Variants in UPRT observed in about 807,000 individuals in gnomAD.
UPRT encodes RP11-311P8.3.
In UPRT, 5 loss-of-function variants were observed where a neutral mutation model predicts 22.6. That is an observed-to-expected ratio of 0.22 (90% CI 0.12 to 0.47). UPRT has a LOEUF of 0.47. UPRT is among the 20% of genes least tolerant of loss of function. The pLI, the probability that UPRT is intolerant of heterozygous loss-of-function variation, is 0.99. For missense variants in UPRT, 181 were observed against 239.9 expected (o/e 0.75, Z 1.62); for synonymous variants, 77 against 87.7 (o/e 0.88, Z 0.68).
intron 4 of UPRT, among the ~76,000 whole-genome samples, chrX:75,214,998 CAAAT>C (rs1305220041): frequency 9.1e-6 from 1 of 110,371 alleles, no homozygotes; most frequent in Non-Finnish European, 1.9e-5. Context: ...CACACACACA[CAAAT>C]AAGGCAGGAG....
At chrX:75,185,727 A>C (rs1371206568) in intron 4 of UPRT, among the ~76,000 whole-genome samples, 1 of 111,424 alleles carries the variant, frequency 9.0e-6, no homozygotes, top group Non-Finnish European at 1.9e-5. Context: ...CAGAGATTCA[A>C]CTTCTTCCTG....
Position 75,211,024 on chromosome X carries a change from C to T in UPRT, c.-447+43145C>T, listed in dbSNP as rs146735067. 3.0e-3 allele frequency among the ~76,000 whole-genome samples: 332 copies of T among 110,354 alleles called. 1 individual carries two copies. The highest frequency in any genetic ancestry group is 1.0e-2 in the African/African-American group (302 of 30,315). On this transcript the variant is annotated intron_variant, in intron 4 of 13. Transcript: ENST00000652605. ...CTGGGCTTGGAGGATCCAGATGAGA[C>T]ATTTGGGAGGAGTGAATAAGGTATT...
At chrX:75,193,002 GTCA>G (rs1329428965) in intron 4 of UPRT, among the ~76,000 whole-genome samples, 2 of 111,902 alleles carry the variant, frequency 1.8e-5, no homozygotes, top group Non-Finnish European at 3.8e-5. Context: ...ATTTGATTCT[GTCA>G]TCATATTGTT....
chrX:75,242,923 G>A (rs1237348412), intron 4 of UPRT, among the ~76,000 whole-genome samples: 1 of 111,481 alleles, frequency 9.0e-6, no homozygotes, highest in East Asian at 2.8e-4. Context: ...AAATGAGAGT[G>A]ATTCCTATTA....
chrX:75,188,131 G>GT (rs1414767735), intron 4 of UPRT, among the ~76,000 whole-genome samples: 2 of 111,904 alleles, frequency 1.8e-5, no homozygotes. Flanking sequence ...TTTCTGCTCT[G>GT]TTTTTTCCCC....
In UPRT at chrX:75,274,172, AGCACG is replaced by A; in HGVS notation, c.-82_-78del. 8.9e-7 allele frequency: 1 copy of A among 1,129,140 alleles called. No homozygotes were observed. 93.1% of individuals were successfully genotyped at this position (1,129,140 alleles called of 1,213,427 possible). A position where few individuals can be genotyped will look rare whatever the true frequency, so the allele number is the denominator to read the frequency against. On this transcript the variant is annotated 5_prime_UTR_variant, in exon 1 of 7. In the 5' UTR this introduces an upstream ATG that the reference lacks. Transcript: ENST00000373383. ...CTGAGGAGGCGGGAGCAACCGAGAG[AGCACG>A]TGAGCATCTGTCCTTTCTACCCGTT...
At chrX:75,294,568 G>A in intron 2 of UPRT, 1 of 983,029 alleles carries the variant, frequency 1.0e-6, no homozygotes, top group Non-Finnish European at 1.3e-6. Context: ...TTTAGGTTTT[G>A]CCTGAGGATT....
chrX:75,274,540 T>G lies in UPRT; in HGVS notation c.286T>G (p.Phe96Val). 1 of 1,211,418 alleles carries G rather than the reference T, an allele frequency of 8.3e-7. No homozygotes were observed. The highest frequency in any genetic ancestry group is 1.1e-6 in the Non-Finnish European group (1 of 895,427). Reference sequence around the variant, plus strand: ...CTATGACGCACCAGCTGGCAACTCCTTCCTAGAGGACTGCGAACTCTCCCG... The same window carrying G: ...CTATGACGCACCAGCTGGCAACTCCGTCCTAGAGGACTGCGAACTCTCCCG... ...SSYDAPAGNS[F>V]LEDCELSRQI... The change falls in exon 1 of 7, where the codon TTC (phenylalanine) becomes GTC (valine). Residue 96 changes from phenylalanine to valine, a missense_variant. By Grantham distance (50) the Phe-to-Val change is conservative. Transcript: ENST00000373383.
At chrX:75,297,004 A>G (rs749960067) in intron 3 of UPRT, among the ~76,000 whole-genome samples, 1 of 111,672 alleles carries the variant, frequency 9.0e-6, no homozygotes, top group Non-Finnish European at 1.9e-5. Context: ...ATTCAGGATG[A>G]GACCAAGAGT....
chrX:75,248,451 G>C (rs2082515167), intron 4 of UPRT, among the ~76,000 whole-genome samples: 1 of 112,096 alleles, frequency 8.9e-6, no homozygotes. Flanking sequence ...CGGGAAGAAA[G>C]GGTATCAGCG....
At chrX:75,293,648 C>A in intron 2 of UPRT, 134 bp downstream of exon 2, 1 of 619,814 alleles carries the variant, frequency 1.6e-6, no homozygotes, top group Non-Finnish European at 2.3e-6. Context: ...TCTTGCTAGG[C>A]TAATGAAGTG....
At chrX:75,269,517 A>G (rs2082601151), upstream of UPRT, among the ~76,000 whole-genome samples, 3 of 111,868 alleles carry the variant, frequency 2.7e-5, no homozygotes, top group South Asian at 1.1e-3. Flanking sequence ...CTACCAGGCT[A>G]CAGTAGCCAA....
rs73505032 is a variant in UPRT at position 75,301,469 on chromosome X, A to G, written c.823+504A>G. Among the ~76,000 whole-genome samples the G allele has an allele frequency of 1.7e-3, 194 of 112,073 alleles. 2 individuals carry two copies. Among genetic ancestry groups the G allele is most frequent in the African/African-American group, 5.8e-3 (180 of 30,860 alleles). ...AAGATCTTAGTGTTTTTCGCCATAC[A>G]TTGCAGAACAATTGGGAATATATTT... On this transcript the variant is annotated intron_variant, in intron 6 of 6. Transcript: ENST00000373383.
chrX:75,186,009 GTC>G (rs1413138342), intron 4 of UPRT, among the ~76,000 whole-genome samples: 2 of 41,035 alleles, frequency 4.9e-5, no homozygotes, highest in African/African-American at 8.2e-5. Context: ...GGTTTTTTGT[GTC>G]TCTATTTCCT....
chrX:75,294,160 A>ATGTT (rs1431842382), intron 2 of UPRT, among the ~76,000 whole-genome samples: 1 of 111,028 alleles, frequency 9.0e-6, no homozygotes, highest in Non-Finnish European at 1.9e-5. Context: ...TGAGGTTGAC[A>ATGTT]TGTTTTCTGC....
chrX:75,174,647 C>T (rs973961103), intron 4 of UPRT, among the ~76,000 whole-genome samples: 5 of 112,108 alleles, frequency 4.5e-5, no homozygotes, highest in African/African-American at 9.7e-5. Flanking sequence ...GAAGGTGTAG[C>T]GTCCTCCTTT....
chrX:75,178,105 C>G lies in UPRT; in HGVS notation c.-447+10226C>G, dbSNP rs1339110929. ...CTGCATGGCTTTCCTCTCTGTTGAC[C>G]CTCGGCTCAGCCCAGAAGTACAGGA... is the stretch of plus-strand genomic sequence containing the variant. On this transcript the variant is annotated intron_variant, in intron 4 of 13. Coordinates refer to the UPRT transcript ENST00000652605. Among the ~76,000 whole-genome samples, 7 of 112,108 alleles carry G rather than the reference C, an allele frequency of 6.2e-5. No homozygotes were observed. The East Asian group carries it at 2.0e-3, about 32-fold the overall frequency.
At chrX:75,160,519 G>A (rs1433815597) in intron 1 of UPRT, among the ~76,000 whole-genome samples, 1 of 111,466 alleles carries the variant, frequency 9.0e-6, no homozygotes, top group Non-Finnish European at 1.9e-5. Context: ...TTTTTCTGTC[G>A]TTTTACTTTA....
intron 1 of UPRT, among the ~76,000 whole-genome samples, chrX:75,283,694 T>A (rs2147692108): frequency 9.0e-6 from 1 of 111,604 alleles, no homozygotes; most frequent in South Asian, 3.7e-4. Context: ...TTTCATAGGT[T>A]ATCTGGTGTT....
Sources: allele counts gnomAD v4.1 joint callset (sites outside exome capture counted in the v4.1 genomes callset), GRCh38; gene constraint gnomAD v4.1.1; transcripts MANE v1.5; gene names NCBI Gene and HGNC (gene_info 2026-07-23, HGNC 2026-07-21).